The following DHX57 variants were observed in gnomAD, a reference collection of about 807,000 sequenced individuals.
DHX57 encodes putative ATP-dependent RNA helicase DHX57.
A neutral mutation model predicts 156.2 loss-of-function variants in DHX57; 105 were observed. The observed-to-expected ratio is 0.67, with a 90% CI of 0.57 to 0.79. The LOEUF is 0.79. Among genes scored for constraint, DHX57 ranks in the 30% least tolerant of loss-of-function variants. The probability of loss-of-function intolerance (pLI) is 0.00; values close to 1 mark genes in which losing one functional copy is unlikely to be tolerated. For missense variants in DHX57, 1,847 were observed against 1,661.9 expected (o/e 1.11, Z -1.94); for synonymous variants, 704 against 595.6 (o/e 1.18, Z -2.65).
intron 17 of DHX57, among the ~76,000 whole-genome samples, chr2:38,820,737 C>T (rs1240530024): frequency 6.6e-6 from 1 of 151,868 alleles, no homozygotes; most frequent in East Asian, 1.9e-4. Flanking sequence ...GTTTATAATT[C>T]GATGACATAT....
In DHX57 at chr2:38,828,800, T is replaced by G. The variant is rs975071293; in HGVS notation, c.2543-364A>C. ...GTCCCAGAGGATTTAAACAAATAAA[T>G]AACTACATGTTTTATATATTCTCTG... is the stretch of plus-strand genomic sequence containing the variant. On this transcript the variant is annotated intron_variant, in intron 13 of 23. Coordinates refer to ENST00000457308, the MANE Select transcript of DHX57 (RefSeq NM_198963.3). Among the ~76,000 whole-genome samples the G allele has an allele frequency of 2.8e-4, 42 of 152,112 alleles. 1 individual carries two copies. The highest frequency in any genetic ancestry group is 1.0e-3 in the African/African-American group (42 of 41,520).
At chr2:38,826,737 A>C in intron 14 of DHX57, 48 bp from the exon 15 acceptor site, 1 of 1,582,876 alleles carries the variant, frequency 6.3e-7, no homozygotes, top group South Asian at 1.1e-5. Flanking sequence ...CTAGCACCGA[A>C]ACTAGATTAC....
intron 7 of DHX57, among the ~76,000 whole-genome samples, chr2:38,855,620 T>C (rs1672858432): frequency 6.6e-6 from 1 of 152,178 alleles, no homozygotes; most frequent in Non-Finnish European, 1.5e-5. Context: ...TAGCTATGAT[T>C]AGGCTGAGGT....
At chr2:38,810,946 TG>T in intron 21 of DHX57, 1 of 843,086 alleles carries the variant, frequency 1.2e-6, no homozygotes, top group Non-Finnish European at 2.0e-6. Flanking sequence ...GGAGGTCTGG[TG>T]GGTGGTGCCA....
At chr2:38,819,384 C>A (rs1237793209) in intron 17 of DHX57, among the ~76,000 whole-genome samples, 1 of 152,166 alleles carries the variant, frequency 6.6e-6, no homozygotes, top group African/African-American at 2.4e-5. Flanking sequence ...CCATGTTGTG[C>A]AGGCTGGTCT....
intron 17 of DHX57, among the ~76,000 whole-genome samples, chr2:38,821,981 T>G (rs189874307): frequency 1.9e-3 from 290 of 152,260 alleles, no homozygotes; most frequent in Middle Eastern, 3.4e-3. Context: ...CTAGAACTAA[T>G]GAAGAGATTG....
intron 3 of DHX57, chr2:38,862,584 C>A: frequency 3.4e-6 from 1 of 298,228 alleles, no homozygotes; most frequent in Non-Finnish European, 6.0e-6. Flanking sequence ...GTACCAAATA[C>A]TACTGGAATG....
At chr2:38,834,051 C>T (rs1476499721) in intron 13 of DHX57, among the ~76,000 whole-genome samples, 3 of 152,132 alleles carry the variant, frequency 2.0e-5, no homozygotes, top group East Asian at 1.9e-4. Context: ...TAAATCAGGC[C>T]GGGCATGGTG....
intron 16 of DHX57, among the ~76,000 whole-genome samples, chr2:38,823,942 T>C (rs1572644008): frequency 6.6e-6 from 1 of 151,410 alleles, no homozygotes; most frequent in East Asian, 1.9e-4. Flanking sequence ...AACCCGGAGG[T>C]GGAGGTTGCA....
At chr2:38,843,979 T>G (rs375629354) in intron 11 of DHX57, among the ~76,000 whole-genome samples, 1 of 152,228 alleles carries the variant, frequency 6.6e-6, no homozygotes. Context: ...CATTCTTGTT[T>G]TATGTTTCAT....
chr2:38,844,935 G>C (rs1247412735), intron 11 of DHX57, among the ~76,000 whole-genome samples: 1 of 152,116 alleles, frequency 6.6e-6, no homozygotes, highest in Non-Finnish European at 1.5e-5. Context: ...GTGAGTGATA[G>C]GGAACCAATG....
chr2:38,871,608 G>A (rs1665356547), intron 1 of DHX57, among the ~76,000 whole-genome samples: 1 of 152,092 alleles, frequency 6.6e-6, no homozygotes, highest in Admixed American at 6.6e-5. Context: ...GCATGATGCT[G>A]GCATCTGCGT....
At chr2:38,799,830 C>A (rs575206389) in intron 23 of DHX57, among the ~76,000 whole-genome samples, 2 of 149,630 alleles carry the variant, frequency 1.3e-5, no homozygotes, top group East Asian at 4.0e-4. Flanking sequence ...CCGAGGTGGG[C>A]GGATCACAAG....
intron 16 of DHX57, among the ~76,000 whole-genome samples, 161 bp from the exon 17 acceptor site, chr2:38,823,430 G>T (rs1397734254): frequency 6.6e-6 from 1 of 152,168 alleles, no homozygotes; most frequent in Non-Finnish European, 1.5e-5. Context: ...AACACTTTCA[G>T]ATTCTGAAAC....
At chr2:38,853,829 C>A in intron 9 of DHX57, 1 of 345,670 alleles carries the variant, frequency 2.9e-6, no homozygotes, top group Admixed American at 4.3e-5. Flanking sequence ...ACCTTCTAAC[C>A]TAACAGGATG....
In DHX57 at chr2:38,847,089, G is replaced by C; in HGVS notation, c.2165-16C>G. On this transcript the variant is annotated splice_polypyrimidine_tract_variant and intron_variant, in intron 10 of 23. Transcript: ENST00000457308. ...AATGTACGACCTAGAAAAACAAGGA[G>C]ACAAAATAGAAAGCCTGAGAACACC... The C allele has an allele frequency of 6.2e-7, 1 of 1,608,910 alleles. No homozygotes were observed. Among genetic ancestry groups the C allele is most frequent in the East Asian group, 2.2e-5 (1 of 44,782 alleles).
At chr2:38,809,569 C>G (rs1256700344) in intron 21 of DHX57, among the ~76,000 whole-genome samples, 2 of 150,374 alleles carry the variant, frequency 1.3e-5, no homozygotes, top group Admixed American at 1.3e-4. Flanking sequence ...TCAAGCGATT[C>G]TCCTGCCTCA....
At position 38,858,848 on chromosome 2, in the gene DHX57, TAAAAG is replaced by T. The variant is rs1673039746; in HGVS notation, c.1412-17_1412-13del. The T allele has an allele frequency of 1.1e-5, 17 of 1,605,352 alleles. No individual in the cohort carries two copies. The highest frequency in any genetic ancestry group is 1.4e-5 in the Non-Finnish European group (17 of 1,178,024). On this transcript the variant is annotated splice_polypyrimidine_tract_variant and intron_variant, in intron 5 of 23. Transcript: ENST00000457308. ...TGATGCTTTTTCAACTTGAAGGAAA[TAAAAG>T]AAAACATTTCAGTATGGAGCCCTTT... is the stretch of plus-strand genomic sequence containing the variant.
At chr2:38,849,027 C>T (rs1004637099) in intron 9 of DHX57, among the ~76,000 whole-genome samples, 1 of 152,136 alleles carries the variant, frequency 6.6e-6, no homozygotes, top group Non-Finnish European at 1.5e-5. Flanking sequence ...TTTTTTTACT[C>T]TTAGCTGGTA....
Sources: allele counts gnomAD v4.1 joint callset (sites outside exome capture counted in the v4.1 genomes callset), GRCh38; gene constraint gnomAD v4.1.1; transcripts MANE v1.5; gene names NCBI Gene and HGNC (gene_info 2026-07-23, HGNC 2026-07-21).